The following ATAD2B variants were observed in gnomAD, a reference collection of about 807,000 sequenced individuals.
The protein encoded by ATAD2B is ATPase family AAA domain containing 2B, also known as ATPase family AAA domain-containing protein 2B.
Under a neutral mutation model 167.6 loss-of-function variants are expected in ATAD2B, and 40 were observed. That is an observed-to-expected ratio of 0.24 (90% confidence interval 0.19 to 0.31). The LOEUF is 0.31. Among genes scored for constraint, ATAD2B ranks in the 10% least tolerant of loss-of-function variants. The probability of loss-of-function intolerance (pLI) is 1.00; values close to 1 mark genes in which losing one functional copy is unlikely to be tolerated. For missense variants in ATAD2B, 1,242 were observed against 1,757.2 expected (o/e 0.71, Z 5.24); for synonymous variants, 579 against 596.5 (o/e 0.97, Z 0.43).
At chr2:23,825,106 CTAA>C (rs1688043258) in intron 15 of ATAD2B, among the ~76,000 whole-genome samples, 1 of 127,768 alleles carries the variant, frequency 7.8e-6, no homozygotes, top group African/African-American at 3.0e-5. Context: ...TCACATCAGG[CTAA>C]TTTTTTTTTT....
intron 21 of ATAD2B, 97 bp from the exon 22 acceptor site, chr2:23,783,125 T>C (rs116332769): frequency 0.019 from 11,447 of 595,814 alleles, 156 homozygotes; most frequent in Non-Finnish European, 0.025. Flanking sequence ...AAAAATTAAA[T>C]CTAAATATCA....
chr2:23,818,406 T>A (rs1686928376), intron 17 of ATAD2B, among the ~76,000 whole-genome samples: 1 of 127,408 alleles, frequency 7.8e-6, no homozygotes. Flanking sequence ...CCCATAACTA[T>A]CAATAAAACA....
intron 2 of ATAD2B, among the ~76,000 whole-genome samples, chr2:23,889,020 G>A (rs1277515616): frequency 2.0e-5 from 3 of 152,152 alleles, no homozygotes; most frequent in East Asian, 3.8e-4. Flanking sequence ...CAGTCAGAAA[G>A]TTCAAAAGTA....
chr2:23,746,436 A>G (rs1674885974), downstream of ATAD2B, among the ~76,000 whole-genome samples: 1 of 152,208 alleles, frequency 6.6e-6, no homozygotes, highest in Non-Finnish European at 1.5e-5. Context: ...CACCTAGTAA[A>G]CGTGATATAA....
chr2:23,887,020 G>A (rs989853327), intron 4 of ATAD2B, among the ~76,000 whole-genome samples: 1 of 152,038 alleles, frequency 6.6e-6, no homozygotes, highest in African/African-American at 2.4e-5. Context: ...GCTCATGCCT[G>A]TAATCCCAGC....
chr2:23,871,853 A>G (rs1008603120), intron 8 of ATAD2B, among the ~76,000 whole-genome samples: 4 of 152,012 alleles, frequency 2.6e-5, no homozygotes, highest in Admixed American at 1.3e-4. Context: ...CATTTTTGTG[A>G]GGGAAGAAGG....
At chr2:23,845,084 C>T (rs758928429) in intron 13 of ATAD2B, among the ~76,000 whole-genome samples, 1 of 151,874 alleles carries the variant, frequency 6.6e-6, no homozygotes, top group Non-Finnish European at 1.5e-5. Flanking sequence ...CTTTAAAGCA[C>T]GGAAAGAAAA....
In ATAD2B at chr2:23,765,720, T is replaced by G. The variant is rs899689957; in HGVS notation, c.3134-92A>C. The G allele has an allele frequency of 1.7e-5, 15 of 879,714 alleles. No individual in the cohort carries two copies. In the Admixed American group the frequency reaches 4.3e-4, roughly 25 times the overall value. 54.5% of individuals were successfully genotyped at this position (879,714 alleles called of 1,614,324 possible). A position where few individuals can be genotyped will look rare whatever the true frequency, so the allele number is the denominator to read the frequency against. Reference sequence around the variant, plus strand: ...AAAAAGTAAAAGAATACAAACAAAATTATAAAAAGCATTGCTAGGTGAGAA... The same window carrying G: ...AAAAAGTAAAAGAATACAAACAAAAGTATAAAAAGCATTGCTAGGTGAGAA... On this transcript the variant is annotated intron_variant, in intron 22 of 27. Coordinates refer to ENST00000238789, the MANE Select transcript of ATAD2B (RefSeq NM_017552.4).
At chr2:23,794,709 AAT>A (rs1276370911) in intron 19 of ATAD2B, among the ~76,000 whole-genome samples, 2 of 152,066 alleles carry the variant, frequency 1.3e-5, no homozygotes, top group Non-Finnish European at 2.9e-5. Context: ...TGTACTATTA[AAT>A]ATACTGTTTT....
At chr2:23,889,645 C>T (rs115899044) in intron 2 of ATAD2B, among the ~76,000 whole-genome samples, 3 of 151,994 alleles carry the variant, frequency 2.0e-5, no homozygotes, top group Non-Finnish European at 2.9e-5. Flanking sequence ...TCAAGCCAGG[C>T]GCGATGGCTC....
At chr2:23,807,921 A>T (rs1241644043) in intron 18 of ATAD2B, among the ~76,000 whole-genome samples, 1 of 131,538 alleles carries the variant, frequency 7.6e-6, no homozygotes, top group Non-Finnish European at 1.6e-5. Context: ...TAAATATATA[A>T]ATATATTTAT....
intron 18 of ATAD2B, among the ~76,000 whole-genome samples, chr2:23,803,405 C>T (rs1683823372): frequency 6.6e-6 from 1 of 152,108 alleles, no homozygotes. Context: ...AGTACTATAG[C>T]TCAAAGTGAG....
intron 22 of ATAD2B, among the ~76,000 whole-genome samples, chr2:23,769,196 T>A (rs1397129187): frequency 1.3e-5 from 2 of 152,144 alleles, no homozygotes; most frequent in Non-Finnish European, 2.9e-5. Context: ...ATCCCAGCAC[T>A]TTGGGAGGCC....
the ATAD2B span, chr2:23,691,674 G>A: frequency 1.2e-3 from 1,829 of 1,551,640 alleles, 3 homozygotes; most frequent in South Asian, 1.7e-3. Context: ...CTGTGCCTAG[G>A]TCCGTGCAAG....
At chr2:23,905,102 T>TA (rs1270716203) in intron 1 of ATAD2B, among the ~76,000 whole-genome samples, 1 of 152,080 alleles carries the variant, frequency 6.6e-6, no homozygotes, top group East Asian at 1.9e-4. Context: ...ACAGAAAGAT[T>TA]AAAAAAGTCT....
chr2:23,804,201 T>C (rs1279059248), intron 18 of ATAD2B, among the ~76,000 whole-genome samples: 1 of 152,240 alleles, frequency 6.6e-6, no homozygotes, highest in East Asian at 1.9e-4. Flanking sequence ...TCTTACATTA[T>C]GTAACAGCTT....
the ATAD2B span, among the ~76,000 whole-genome samples, chr2:23,681,223 A>C: frequency 6.6e-6 from 1 of 152,252 alleles, no homozygotes; most frequent in Non-Finnish European, 1.5e-5. This position sits in a 1 kb window ranked among gnomAD's most constrained non-coding sequence, Gnocchi z 4.2. Flanking sequence ...CCTGCTGGGA[A>C]TCCCCTGGTG....
intron 20 of ATAD2B, chr2:23,788,214 AGAG>A (rs1681111486): frequency 3.3e-6 from 1 of 301,944 alleles, no homozygotes; most frequent in Non-Finnish European, 6.3e-6. Flanking sequence ...TGACTAAAAC[AGAG>A]GAGAACTGAA....
At chr2:23,760,699 T>TACACACACAC (rs1238984150) in intron 24 of ATAD2B, among the ~76,000 whole-genome samples, 19 of 123,698 alleles carry the variant, frequency 1.5e-4, no homozygotes, top group African/African-American at 5.2e-4. Context: ...TTTATATATA[T>TACACACACAC]ACACACACAC....
Sources: allele counts gnomAD v4.1 joint callset (sites outside exome capture counted in the v4.1 genomes callset), GRCh38; gene constraint gnomAD v4.1.1; non-coding constraint Gnocchi (gnomAD v3.1); transcripts MANE v1.5; gene names NCBI Gene and HGNC (gene_info 2026-07-23, HGNC 2026-07-21).